AFF1: variants seen among roughly 807,000 people sequenced by gnomAD.
The protein encoded by AFF1 is ALF transcription elongation factor 1, also known as AF4/FMR2 family member 1.
In AFF1, 48 loss-of-function variants were observed where a neutral mutation model predicts 121.7. The ratio of observed to expected loss-of-function variants is 0.39; its 90% confidence interval spans 0.31 to 0.50. The LOEUF (loss-of-function observed/expected upper bound fraction) is 0.50. Among genes scored for constraint, AFF1 ranks in the 20% least tolerant of loss-of-function variants. The pLI is 0.76. For missense variants in AFF1, 1,523 were observed against 1,511.7 expected, an observed-to-expected ratio of 1.01 and a Z score of -0.12; for synonymous variants, 613 against 563.0, an observed-to-expected ratio of 1.09 and a Z score of -1.26.
At chr4:87,094,638 G>A (rs2149722669) in intron 7 of AFF1, among the ~76,000 whole-genome samples, 1 of 152,324 alleles carries the variant, frequency 6.6e-6, no homozygotes, top group Non-Finnish European at 1.5e-5. Context: ...CCCCTGTCAA[G>A]GACAGGGAGG....
intron 4 of AFF1, among the ~76,000 whole-genome samples, chr4:87,058,372 T>C (rs1017132287): frequency 6.6e-5 from 10 of 152,156 alleles, no homozygotes; most frequent in African/African-American, 2.4e-4. Context: ...GTGGCACGGG[T>C]GATTCAAATG....
chr4:87,013,666 C>CT (rs11322791), intron 2 of AFF1, among the ~76,000 whole-genome samples: 24,833 of 135,262 alleles, frequency 0.18, 2,485 homozygotes, highest in Middle Eastern at 0.24. Flanking sequence ...AAGATCTTAC[C>CT]TTTTTTTTTT....
At chr4:86,961,806 G>A (rs1188330596) in intron 2 of AFF1, among the ~76,000 whole-genome samples, 5 of 152,114 alleles carry the variant, frequency 3.3e-5, no homozygotes, top group Admixed American at 2.0e-4. Flanking sequence ...GCATTGCACA[G>A]ATGTCAGGTG....
At chr4:86,943,829 G>A (rs1016120314) in intron 1 of AFF1, among the ~76,000 whole-genome samples, 3 of 152,066 alleles carry the variant, frequency 2.0e-5, no homozygotes, top group African/African-American at 7.2e-5. Context: ...AGGCGTGGTG[G>A]TGCATGCCTG....
At position 87,018,137 on chromosome 4, in the gene AFF1, G is replaced by T. The variant is rs146313519; in HGVS notation, c.39-28029G>T. The stretch of plus-strand genomic sequence containing the variant: ...CTTTATGAATGTGGCCAATTCACAC[G>T]CATTAAGTGTTTTTCATGTTATCTG... On this transcript the variant is annotated intron_variant, in intron 2 of 20. Coordinates refer to ENST00000395146, the MANE Select transcript of AFF1 (RefSeq NM_001166693.3). Among the ~76,000 whole-genome samples, 270 of 152,258 alleles carry T rather than the reference G, an allele frequency of 1.8e-3. 1 individual carries two copies. The highest frequency in any genetic ancestry group is 2.8e-3 in the Non-Finnish European group (192 of 68,032).
At chr4:87,055,378 G>T (rs1211242371) in intron 4 of AFF1, among the ~76,000 whole-genome samples, 1 of 152,174 alleles carries the variant, frequency 6.6e-6, no homozygotes, top group Non-Finnish European at 1.5e-5. Context: ...GTATTAATTG[G>T]AGTTGTTTTT....
intron 4 of AFF1, among the ~76,000 whole-genome samples, chr4:87,051,548 C>T (rs1391518024): frequency 6.6e-6 from 1 of 152,024 alleles, no homozygotes; most frequent in Non-Finnish European, 1.5e-5. Flanking sequence ...GCAACCTCCA[C>T]CTCCCGGGTT....
chr4:87,111,667 TA>T (rs1235924507), intron 11 of AFF1, among the ~76,000 whole-genome samples: 1 of 152,216 alleles, frequency 6.6e-6, no homozygotes, highest in African/African-American at 2.4e-5. Flanking sequence ...AAAATATTTT[TA>T]ATCAATCCCT....
intron 13 of AFF1, 88 bp from the exon 14 acceptor site, chr4:87,126,011 T>G (rs1728203517): frequency 1.1e-5 from 14 of 1,321,586 alleles, no homozygotes; most frequent in Non-Finnish European, 1.3e-5. Context: ...CCTACTCTTT[T>G]GTGCCAGCAG....
rs370780731 is a variant in AFF1, at chr4:86,972,022, C to G, written c.38+23451C>G. Among the ~76,000 whole-genome samples the G allele has an allele frequency of 6.7e-5, 10 of 150,206 alleles. No homozygotes were observed. In the East Asian group the frequency reaches 1.6e-3, roughly 24 times the overall value. On this transcript the variant is annotated intron_variant, in intron 2 of 20. Coordinates refer to ENST00000395146, the MANE Select transcript of AFF1 (RefSeq NM_001166693.3). ...GAATAGTGGCACATGCCTGTAGACT[C>G]AGCTACATGGGAGGTTGAAGTGGGA...
intron 2 of AFF1, among the ~76,000 whole-genome samples, chr4:87,031,559 CAG>C (rs1035697018): frequency 1.3e-4 from 20 of 151,924 alleles, no homozygotes; most frequent in African/African-American, 3.6e-4. Flanking sequence ...TACTGGAAAT[CAG>C]GGGCTTTTCT....
At chr4:87,123,908 T>C (rs757676423) in intron 12 of AFF1, among the ~76,000 whole-genome samples, 4 of 152,226 alleles carry the variant, frequency 2.6e-5, no homozygotes, top group African/African-American at 7.2e-5. Context: ...TGTCCCAGAT[T>C]TCTAACTTGG....
chr4:87,094,726 A>G (rs1724657711), intron 7 of AFF1, among the ~76,000 whole-genome samples, 189 bp from the exon 8 acceptor site: 1 of 152,176 alleles, frequency 6.6e-6, no homozygotes, highest in African/African-American at 2.4e-5. Context: ...TTTTTGGCCT[A>G]TTGAGAGGTT....
In AFF1 at chr4:87,090,005, C is replaced by T. The variant is rs1724136689; in HGVS notation, c.1126C>T (p.Pro376Ser). ...CCAGGAAATGACCCATTCATGGCCGCCTCCTTTGACAGCAATACATACGCC... is the reference window on the plus strand; with the variant it reads ...CCAGGAAATGACCCATTCATGGCCGTCTCCTTTGACAGCAATACATACGCC... ...ILKEMTHSWP[P>S]PLTAIHTPST... Residue 376 changes from proline to serine, a missense_variant, in exon 6 of 21, where the codon CCT becomes TCT. Around this residue, in one of 5 missense-constraint regions of AFF1, gnomAD observed 905 missense variants for 842.5 expected, o/e 1.07. Transcript: ENST00000395146. The T allele has an allele frequency of 6.2e-7, 1 of 1,613,938 alleles. No individual in the cohort carries two copies. Among genetic ancestry groups the T allele is most frequent in the Non-Finnish European group, 8.5e-7 (1 of 1,179,956 alleles).
intron 2 of AFF1, among the ~76,000 whole-genome samples, chr4:87,002,729 C>T (rs1032753458): frequency 1.3e-5 from 2 of 151,958 alleles, no homozygotes; most frequent in African/African-American, 4.8e-5. Flanking sequence ...GATTAACGGG[C>T]GATTTTACTC....
At chr4:87,024,023 T>C (rs187769985) in intron 2 of AFF1, among the ~76,000 whole-genome samples, 2 of 152,196 alleles carry the variant, frequency 1.3e-5, no homozygotes, top group Admixed American at 1.3e-4. Context: ...TATTAAGCAA[T>C]TATTTATTGA....
chr4:87,083,738 T>C (rs1723396555), intron 4 of AFF1, among the ~76,000 whole-genome samples: 1 of 152,186 alleles, frequency 6.6e-6, no homozygotes, highest in African/African-American at 2.4e-5. Flanking sequence ...CCCCACAAGA[T>C]TCAGTTAGAT....
At chr4:87,066,047 G>C (rs1280504180) in intron 4 of AFF1, among the ~76,000 whole-genome samples, 6 of 152,200 alleles carry the variant, frequency 3.9e-5, no homozygotes, top group African/African-American at 1.4e-4. Context: ...AGATGACACA[G>C]GGTTCATGGA....
At position 87,047,177 on chromosome 4, in the gene AFF1, A is replaced by G. The variant is rs542909308; in HGVS notation, c.642A>G (p.Pro214=). The change falls in exon 4 of 21, where the codon CCA becomes CCG. Residue 214 remains proline (P), a synonymous_variant. Transcript: ENST00000395146. The part of the protein sequence containing the change: ...ELSPLISLPS[P]VPPLSPIHSN... ...CTCCCTTAATCTCTTTGCCTTCCCC[A>G]GTTCCCCCTTTGTCACCTATACATT... 15 of 1,614,100 alleles carry G rather than the reference A, an allele frequency of 9.3e-6. No individual in the cohort carries two copies. In the East Asian group the frequency reaches 2.9e-4, roughly 31 times the overall value.
Sources: allele counts gnomAD v4.1 joint callset (sites outside exome capture counted in the v4.1 genomes callset), GRCh38; gene constraint gnomAD v4.1.1; regional missense constraint gnomAD v4.1.1; transcripts MANE v1.5; gene names NCBI Gene and HGNC (gene_info 2026-07-23, HGNC 2026-07-21).